SORCS2: variants seen among roughly 807,000 people sequenced by gnomAD.
SORCS2 encodes the protein VPS10 domain-containing receptor SorCS2.
In SORCS2, 100 loss-of-function variants were observed where a neutral mutation model predicts 141.6. The observed-to-expected ratio is 0.71, with a 90% CI of 0.60 to 0.83. The LOEUF (loss-of-function observed/expected upper bound fraction) is 0.83. Ranked by LOEUF, SORCS2 falls within the 40% of genes least tolerant of loss-of-function variation. SORCS2 has a pLI of 0.00. For synonymous variants in SORCS2, 789 were observed against 676.9 expected (o/e 1.17, Z -2.57); for missense variants, 1,646 against 1,560.2 (o/e 1.05, Z -0.93).
At chr4:7,326,146 G>A (rs192215726) in intron 1 of SORCS2, among the ~76,000 whole-genome samples, 93 of 152,222 alleles carry the variant, frequency 6.1e-4, no homozygotes, top group African/African-American at 2.1e-3. Context: ...CTGGATAGGG[G>A]TTTGACCACA....
chr4:7,707,893 C>T (rs1725571270), intron 14 of SORCS2, among the ~76,000 whole-genome samples: 1 of 151,704 alleles, frequency 6.6e-6, no homozygotes, highest in Non-Finnish European at 1.5e-5. Flanking sequence ...CCCCCAGGAC[C>T]AGGGCCCAGC....
intron 2 of SORCS2, among the ~76,000 whole-genome samples, chr4:7,410,678 A>C (rs764551411): frequency 2.5e-4 from 38 of 152,170 alleles, no homozygotes; most frequent in Non-Finnish European, 5.1e-4. Flanking sequence ...GTTTGCTTTA[A>C]CATCACCATG....
intron 3 of SORCS2, among the ~76,000 whole-genome samples, chr4:7,637,734 T>C (rs574136162): frequency 2.0e-5 from 3 of 151,482 alleles, no homozygotes; most frequent in African/African-American, 7.3e-5. Flanking sequence ...AATGCATGCA[T>C]GCATGAATGG....
At chr4:7,434,652 A>G in intron 2 of SORCS2, 2 of 1,613,282 alleles carry the variant, frequency 1.2e-6, no homozygotes, top group Non-Finnish European at 1.7e-6. Context: ...GGTTCAGCCC[A>G]TTGCCAGCGG....
chr4:7,624,690 G>A (rs1468726903), intron 3 of SORCS2, among the ~76,000 whole-genome samples: 1 of 152,220 alleles, frequency 6.6e-6, no homozygotes, highest in Admixed American at 6.5e-5. Context: ...ACGTCCAACC[G>A]TACATAGTTA....
At chr4:7,318,394 G>C (rs1718694246) in intron 1 of SORCS2, among the ~76,000 whole-genome samples, 1 of 152,122 alleles carries the variant, frequency 6.6e-6, no homozygotes, top group South Asian at 2.1e-4. Context: ...ATACTTGATA[G>C]GGAACCCCAT....
intron 3 of SORCS2, among the ~76,000 whole-genome samples, chr4:7,557,513 T>C (rs1008184318): frequency 6.6e-6 from 1 of 152,234 alleles, no homozygotes; most frequent in Non-Finnish European, 1.5e-5. Context: ...ATCACACTTT[T>C]AAGTAGATAG....
chr4:7,352,069 T>A (rs1403723673), intron 1 of SORCS2, among the ~76,000 whole-genome samples: 1 of 152,088 alleles, frequency 6.6e-6, no homozygotes, highest in Non-Finnish European at 1.5e-5. Flanking sequence ...GCTCTGTATA[T>A]GTGCTGGGAT....
chr4:7,643,261 C>G (rs1406935891), intron 4 of SORCS2, among the ~76,000 whole-genome samples: 1 of 152,172 alleles, frequency 6.6e-6, no homozygotes, highest in Non-Finnish European at 1.5e-5. Flanking sequence ...GCAGTAGGCT[C>G]TTGGGATTGG....
At chr4:7,212,811 G>C (rs1560114854) in intron 1 of SORCS2, among the ~76,000 whole-genome samples, 1 of 152,276 alleles carries the variant, frequency 6.6e-6, no homozygotes, top group Non-Finnish European at 1.5e-5. Context: ...AAGATCAAGA[G>C]CTGTTACTGG....
At chr4:7,352,408 C>A (rs1720995213) in intron 1 of SORCS2, among the ~76,000 whole-genome samples, 1 of 152,178 alleles carries the variant, frequency 6.6e-6, no homozygotes, top group Non-Finnish European at 1.5e-5. Flanking sequence ...TACACGGTGG[C>A]TTTGGGCAGT....
chr4:7,727,279 A>G (rs1727285987), intron 21 of SORCS2, among the ~76,000 whole-genome samples: 2 of 152,222 alleles, frequency 1.3e-5, no homozygotes, highest in South Asian at 4.1e-4. Context: ...GCATTGTCTC[A>G]TGATGGCAGC....
At chr4:7,592,435 C>A (rs1577805408) in intron 3 of SORCS2, among the ~76,000 whole-genome samples, 1 of 152,270 alleles carries the variant, frequency 6.6e-6, no homozygotes, top group East Asian at 1.9e-4. Flanking sequence ...CCAGTGCTCA[C>A]CAGCACCCAG....
intron 2 of SORCS2, chr4:7,433,036 C>A: frequency 3.4e-6 from 1 of 294,576 alleles, no homozygotes; most frequent in Non-Finnish European, 6.2e-6. Flanking sequence ...CCGGCAACAT[C>A]TCAGCCTTGG....
chr4:7,236,743 G>A (rs1481859021), intron 1 of SORCS2, among the ~76,000 whole-genome samples: 7 of 152,068 alleles, frequency 4.6e-5, no homozygotes, highest in African/African-American at 1.7e-4. Flanking sequence ...CACCATGCCT[G>A]GCTAATTTTT....
chr4:7,593,724 G>T (rs1053124648), intron 3 of SORCS2, among the ~76,000 whole-genome samples: 1 of 152,196 alleles, frequency 6.6e-6, no homozygotes, highest in African/African-American at 2.4e-5. Context: ...TACAGGCAGG[G>T]GTGCCGCTTG....
intron 1 of SORCS2, among the ~76,000 whole-genome samples, chr4:7,386,196 T>C (rs200160636): frequency 2.7e-5 from 3 of 110,466 alleles, no homozygotes; most frequent in African/African-American, 3.7e-5. Context: ...TGCACACACA[T>C]ACACATTTGC....
intron 1 of SORCS2, among the ~76,000 whole-genome samples, chr4:7,195,854 G>C (rs924231840): frequency 6.6e-6 from 1 of 152,234 alleles, no homozygotes; most frequent in Non-Finnish European, 1.5e-5. Flanking sequence ...TTGCTGAGCA[G>C]TCTTCTTAAC....
At chr4:7,729,763 CTCGGG>C in intron 23 of SORCS2, 51 bp downstream of exon 23, 1 of 1,576,796 alleles carries the variant, frequency 6.3e-7, no homozygotes, top group Non-Finnish European at 8.7e-7. Context: ...CATCCCAGGG[CTCGGG>C]TCATTTACAA....
Sources: allele counts gnomAD v4.1 joint callset (sites outside exome capture counted in the v4.1 genomes callset), GRCh38; gene constraint gnomAD v4.1.1; transcripts MANE v1.5; gene names NCBI Gene and HGNC (gene_info 2026-07-23, HGNC 2026-07-21).